The following VDR variants were observed in gnomAD, a reference collection of about 807,000 sequenced individuals.
VDR encodes vitamin D receptor.
Under a neutral mutation model 39.7 loss-of-function variants are expected in VDR, and 19 were observed. The ratio of observed to expected loss-of-function variants is 0.48; its 90% CI spans 0.33 to 0.70. The LOEUF is 0.70. Ranked by LOEUF, VDR falls within the 30% of genes least tolerant of loss-of-function variation. The probability of loss-of-function intolerance (pLI) is 0.02; values close to 1 mark genes in which losing one functional copy is unlikely to be tolerated. For synonymous variants in VDR, 242 were observed against 215.8 expected (o/e 1.12, Z -1.07); for missense variants, 442 against 570.5 (o/e 0.77, Z 2.29).
At chr12:47,862,427 AT>A (rs1162260907) in intron 4 of VDR, among the ~76,000 whole-genome samples, 2 of 152,242 alleles carry the variant, frequency 1.3e-5, no homozygotes, top group Non-Finnish European at 2.9e-5. Context: ...CCATCATCTT[AT>A]TAGCTGAGAG....
chr12:47,902,860 C>T (rs1946592847), intron 1 of VDR, among the ~76,000 whole-genome samples: 1 of 152,212 alleles, frequency 6.6e-6, no homozygotes, highest in Non-Finnish European at 1.5e-5. Flanking sequence ...CACTCGGTCC[C>T]AGGCCTTTCT....
intron 3 of VDR, among the ~76,000 whole-genome samples, chr12:47,869,060 C>T (rs960358579): frequency 6.6e-6 from 1 of 152,240 alleles, no homozygotes; most frequent in African/African-American, 2.4e-5. Flanking sequence ...CTTTGACCCT[C>T]ACTTGGGGGC....
At chr12:47,875,899 A>G (rs1945990437) in intron 3 of VDR, among the ~76,000 whole-genome samples, 2 of 152,224 alleles carry the variant, frequency 1.3e-5, no homozygotes, top group Admixed American at 1.3e-4. Context: ...GTCCTCAGGA[A>G]GCTTGTCTAA....
intron 2 of VDR, among the ~76,000 whole-genome samples, chr12:47,881,901 C>T (rs1275464235): frequency 1.3e-5 from 2 of 152,146 alleles, no homozygotes; most frequent in African/African-American, 4.8e-5. Flanking sequence ...CCTGGGTCAG[C>T]TGAGATGCTG....
Position 47,841,711 on chromosome 12 carries a change from T to C in VDR, c.*3035A>G, listed in dbSNP as rs1945175257. 1 of 152,372 alleles carries C rather than the reference T, an allele frequency of 6.6e-6. No individual in the cohort carries two copies. Among genetic ancestry groups the C allele is most frequent in the Admixed American group, 6.5e-5 (1 of 15,284 alleles). The allele number at this position is 152,372 out of a possible 1,614,324, so 9.4% of individuals were successfully genotyped here. ...TTCAGCAGGCACTGTTTACATCCTTTCGCTGCCATATCTCTAGCTTTCACT... is the reference window on the plus strand; with the variant it reads ...TTCAGCAGGCACTGTTTACATCCTTCCGCTGCCATATCTCTAGCTTTCACT... On this transcript the variant is annotated 3_prime_UTR_variant, in exon 10 of 10. Transcript: ENST00000549336.
At chr12:47,857,460 G>C (rs764421625) in intron 5 of VDR, 44 bp downstream of exon 5, 22 of 1,613,678 alleles carry the variant, frequency 1.4e-5, no homozygotes, top group Non-Finnish European at 1.9e-5. Context: ...CTCCACTAGT[G>C]CTTCTCCTCT....
chr12:47,854,152 T>TGC (rs1945439114), intron 7 of VDR, among the ~76,000 whole-genome samples: 1 of 152,134 alleles, frequency 6.6e-6, no homozygotes, highest in Non-Finnish European at 1.5e-5. Context: ...GACAGGGTCT[T>TGC]GCTCTGTTGC....
intron 1 of VDR, among the ~76,000 whole-genome samples, chr12:47,892,979 C>A (rs185073597): frequency 1.1e-3 from 162 of 152,058 alleles, no homozygotes; most frequent in African/African-American, 3.8e-3. Flanking sequence ...AAGCTGAGAG[C>A]GAAAGGGAAA....
chr12:47,851,515 A>G (rs1592101134), intron 7 of VDR, among the ~76,000 whole-genome samples: 1 of 151,670 alleles, frequency 6.6e-6, no homozygotes, highest in Admixed American at 6.6e-5. Context: ...CCTTCCCCAC[A>G]CCCTCCGCCC....
rs563827286 is a variant in VDR, at chr12:47,878,778, T to G, written c.146+190A>C. ...GATTTCCAAGAGAGTCAGAGGAACA[T>G]CTGGAGCTGAGAGGAGGGAAAAGAA... On this transcript the variant is annotated intron_variant, in intron 3 of 9. Coordinates refer to ENST00000549336, the MANE Select transcript of VDR (RefSeq NM_000376.3). 2.0e-5 allele frequency: 18 copies of G among 889,744 alleles called. 1 individual carries two copies. The South Asian group carries it at 2.4e-4, about 12-fold the overall frequency. The allele number at this position is 889,744 out of a possible 1,614,324, so 55.1% of individuals were successfully genotyped here. A position where few individuals can be genotyped will look rare whatever the true frequency, so the allele number is the denominator to read the frequency against.
At position 47,904,462 on chromosome 12, in the gene VDR, T is replaced by TAAAAAAAAA. The variant is rs17886628; in HGVS notation, c.-84+484_-84+492dup. 60 of 360,338 alleles carry TAAAAAAAAA rather than the reference T, an allele frequency of 1.7e-4. 2 individuals carry two copies. Among genetic ancestry groups the TAAAAAAAAA allele is most frequent in the African/African-American group, 1.6e-3 (39 of 23,990 alleles). The allele number at this position is 360,338 out of a possible 1,614,324, so 22.3% of individuals were successfully genotyped here. On this transcript the variant is annotated intron_variant, in intron 1 of 9. Transcript: ENST00000549336. ...AACTCATTGGTAGTTCAAAGAAAAG[T>TAAAAAAAAA]AAAAAAAAAAAAAAAAAAAAAAAAA...
rs558099774 is a variant in VDR at position 47,868,113 on chromosome 12, C to T, written c.147-2936G>A. On this transcript the variant is annotated intron_variant, in intron 3 of 9. Transcript: ENST00000549336. Reference sequence around the variant, plus strand: ...CAGCAAGAAGTGCAGGCTCCTAGGTCTGGAAGTCTTAGGGATCTAAGGCTT... The same window carrying T: ...CAGCAAGAAGTGCAGGCTCCTAGGTTTGGAAGTCTTAGGGATCTAAGGCTT... 6.8e-4 allele frequency among the ~76,000 whole-genome samples: 104 copies of T among 152,344 alleles called. 1 individual carries two copies. The highest frequency in any genetic ancestry group is 2.4e-3 in the African/African-American group (100 of 41,566).
At chr12:47,879,173 G>T in intron 2 of VDR, 58 bp from the exon 3 acceptor site, 1 of 1,584,442 alleles carries the variant, frequency 6.3e-7, no homozygotes, top group Admixed American at 1.7e-5. Flanking sequence ...GGGCCAGCTG[G>T]CATCCTTGGT....
rs1371070357 is a variant in VDR, at chr12:47,857,182, C to G, written c.530G>C (p.Ser177Thr). Residue 177 changes from serine to threonine, a missense_variant, in exon 6 of 10, where the codon AGC becomes ACC. By Grantham distance (58) the Ser-to-Thr change is moderately conservative. Transcript: ENST00000549336. ...PSRPNSRHTPSFSGDSSSSCS... is the reference protein window; with the variant it reads ...PSRPNSRHTPTFSGDSSSSCS... Reference sequence around the variant, plus strand: ...GGAGGAGGAGGAGTCCCCAGAGAAGCTGGGAGTGTGTCTGGAGTTGGGCCT... The same window carrying G: ...GGAGGAGGAGGAGTCCCCAGAGAAGGTGGGAGTGTGTCTGGAGTTGGGCCT... 6 of 1,614,028 alleles carry G rather than the reference C, an allele frequency of 3.7e-6. No individual in the cohort carries two copies. Among genetic ancestry groups the G allele is most frequent in the Non-Finnish European group, 5.1e-6 (6 of 1,180,016 alleles).
intron 2 of VDR, 184 bp downstream of exon 2, chr12:47,882,510 C>A: frequency 1.7e-6 from 1 of 583,688 alleles, no homozygotes. Flanking sequence ...CTCTGAACTC[C>A]CACCCGCACC....
chr12:47,859,846 CTTCCTTCCTTCCTTCCTTCT>C (rs60761635), intron 4 of VDR, among the ~76,000 whole-genome samples: 3,011 of 68,250 alleles, frequency 0.044, 221 homozygotes, highest in Non-Finnish European at 0.048. Context: ...CTTTCCCTTC[CTTCCTTCCTTCCTTCCTTCT>C]TTCCTTCCTT....
At chr12:47,864,281 TC>T (rs1271805558) in intron 4 of VDR, among the ~76,000 whole-genome samples, 2 of 152,260 alleles carry the variant, frequency 1.3e-5, no homozygotes, top group African/African-American at 4.8e-5. Context: ...CAAATAACTG[TC>T]CTAGAGCTCT....
intron 4 of VDR, among the ~76,000 whole-genome samples, chr12:47,862,751 A>G (rs569874363): frequency 1.4e-4 from 22 of 152,352 alleles, no homozygotes; most frequent in African/African-American, 5.3e-4. Context: ...CCCAGCCCAG[A>G]TAAGAAATGT....
At chr12:47,896,381 A>G (rs1323425912) in intron 1 of VDR, among the ~76,000 whole-genome samples, 3 of 152,130 alleles carry the variant, frequency 2.0e-5, no homozygotes, top group Non-Finnish European at 4.4e-5. Context: ...TCTAGTGAGT[A>G]TATCTGTGAC....
Sources: allele counts gnomAD v4.1 joint callset (sites outside exome capture counted in the v4.1 genomes callset), GRCh38; gene constraint gnomAD v4.1.1; transcripts MANE v1.5; gene names NCBI Gene and HGNC (gene_info 2026-07-23, HGNC 2026-07-21).